PJA2: variants seen among roughly 807,000 people sequenced by gnomAD.
PJA2 encodes E3 ubiquitin-protein ligase Praja-2.
Under a neutral mutation model 69.3 loss-of-function variants are expected in PJA2, and 25 were observed. The observed-to-expected ratio is 0.36, with a 90% CI of 0.26 to 0.50. The LOEUF (loss-of-function observed/expected upper bound fraction) is 0.50, where lower values mean the gene tolerates loss of function less well. Ranked by LOEUF, PJA2 falls within the 20% of genes least tolerant of loss-of-function variation. The pLI, the probability that PJA2 is intolerant of heterozygous loss-of-function variation, is 0.96. For missense variants in PJA2, 809 were observed against 830.2 expected (o/e 0.97, Z 0.31); for synonymous variants, 308 against 277.8 (o/e 1.11, Z -1.08).
At chr5:109,389,478 T>C (rs145499243) in intron 1 of PJA2, among the ~76,000 whole-genome samples, 356 of 152,200 alleles carry the variant, frequency 2.3e-3, no homozygotes, top group African/African-American at 8.1e-3. Context: ...AGAGGATCTG[T>C]AGTGAAGTCT....
At chr5:109,362,137 T>A (rs749403271) in intron 6 of PJA2, among the ~76,000 whole-genome samples, 6 of 152,222 alleles carry the variant, frequency 3.9e-5, no homozygotes, top group Non-Finnish European at 8.8e-5. Context: ...AGATATCTTT[T>A]TTGCCCCAGA....
chr5:109,350,896 A>G lies in PJA2; in HGVS notation c.1764+5019T>C, dbSNP rs1020020755. ...AGATAATCAGTTTCAATAAGCTTTC[A>G]TAGGTAAAATCTTTCTTCGAACTGA... On this transcript the variant is annotated intron_variant, in intron 7 of 9. Transcript: ENST00000361189. Among the ~76,000 whole-genome samples the G allele has an allele frequency of 2.0e-5, 3 of 152,182 alleles. No individual in the cohort carries two copies. The South Asian group carries it at 6.2e-4, about 32-fold the overall frequency.
Position 109,356,092 on chromosome 5 carries a change from C to T in PJA2, c.1653-66G>A. On this transcript the variant is annotated intron_variant, in intron 6 of 9. Transcript: ENST00000361189. ...GATTTGGGAAATCTTATGCTGAGGA[C>T]ATAATTATATTAGCATACTGACAAG... is the stretch of plus-strand genomic sequence containing the variant. The T allele has an allele frequency of 3.9e-6, 4 of 1,035,246 alleles. No individual in the cohort carries two copies. The South Asian group carries it at 5.3e-5, about 14-fold the overall frequency. 64.1% of individuals were successfully genotyped at this position (1,035,246 alleles called of 1,614,324 possible).
chr5:109,361,116 A>C (rs1424568745), intron 6 of PJA2, among the ~76,000 whole-genome samples: 1 of 152,178 alleles, frequency 6.6e-6, no homozygotes, highest in Admixed American at 6.5e-5. Context: ...CAACAGAACG[A>C]GACTCCATCT....
At chr5:109,358,209 T>C (rs897125651) in intron 6 of PJA2, among the ~76,000 whole-genome samples, 3 of 152,236 alleles carry the variant, frequency 2.0e-5, no homozygotes, top group Non-Finnish European at 2.9e-5. Context: ...AAGGAACACC[T>C]GGCCCGCCCA....
At chr5:109,341,835 G>GC (rs1451256683) in intron 9 of PJA2, among the ~76,000 whole-genome samples, 10 of 107,708 alleles carry the variant, frequency 9.3e-5, no homozygotes, top group Non-Finnish European at 1.7e-4. Context: ...GGGGGGGTCA[G>GC]CCCCCCGCCT....
At chr5:109,394,318 G>A (rs975253158) in intron 1 of PJA2, among the ~76,000 whole-genome samples, 2 of 151,842 alleles carry the variant, frequency 1.3e-5, no homozygotes, top group Admixed American at 1.3e-4. Flanking sequence ...AAAGTGCTGG[G>A]ATTACAGGTG....
intron 4 of PJA2, among the ~76,000 whole-genome samples, chr5:109,369,867 T>C (rs1432300521): frequency 6.6e-6 from 1 of 151,990 alleles, no homozygotes; most frequent in Admixed American, 6.6e-5. Flanking sequence ...ACTCCATCTC[T>C]ACTAAAAATA....
Position 109,354,515 on chromosome 5 carries a change from G to T in PJA2, c.1764+1400C>A, listed in dbSNP as rs1373626933. ...CTATAATATCATAGATATCTATATC[G>T]ATATTAGATATCTATAATATCTATA... On this transcript the variant is annotated intron_variant, in intron 7 of 9. Coordinates refer to ENST00000361189, the MANE Select transcript of PJA2 (RefSeq NM_014819.5). Among the ~76,000 whole-genome samples, 32 of 23,064 alleles carry T rather than the reference G, an allele frequency of 1.4e-3. 12 individuals are homozygous for T. The highest frequency in any genetic ancestry group is 7.5e-3 in the African/African-American group (30 of 4,022). The allele number at this position is 23,064 out of a possible 152,430, so 15.1% of individuals were successfully genotyped here.
intron 6 of PJA2, among the ~76,000 whole-genome samples, chr5:109,361,565 CAGA>C: frequency 6.6e-6 from 1 of 152,204 alleles, no homozygotes; most frequent in South Asian, 2.1e-4. Context: ...ATAATGGAGA[CAGA>C]AGACTTCTGA....
chr5:109,369,103 AC>A (rs1185482345), intron 4 of PJA2, among the ~76,000 whole-genome samples: 1 of 152,034 alleles, frequency 6.6e-6, no homozygotes, highest in Non-Finnish European at 1.5e-5. Context: ...TTCCTGAGGC[AC>A]CCCCAAGAAG....
intron 7 of PJA2, 104 bp from the exon 8 acceptor site, chr5:109,344,923 TG>T (rs1561341097): frequency 1.4e-6 from 1 of 694,186 alleles, no homozygotes; most frequent in Non-Finnish European, 2.4e-6. Context: ...ATTCTCTTTT[TG>T]TTAGTTTCTT....
chr5:109,343,274 A>C (rs1175543020), intron 9 of PJA2, among the ~76,000 whole-genome samples: 1 of 45,450 alleles, frequency 2.2e-5, no homozygotes, highest in African/African-American at 1.5e-4. Flanking sequence ...AGGGCGGTGC[A>C]AAAAAAAAAA....
At chr5:109,353,182 A>T (rs1336671694) in intron 7 of PJA2, among the ~76,000 whole-genome samples, 1 of 56,798 alleles carries the variant, frequency 1.8e-5, no homozygotes, top group Admixed American at 1.7e-4. Context: ...ATATCTATAG[A>T]TATCTATATA....
At chr5:109,353,498 TA>T (rs1762316061) in intron 7 of PJA2, among the ~76,000 whole-genome samples, 1 of 90,166 alleles carries the variant, frequency 1.1e-5, no homozygotes, top group African/African-American at 3.0e-5. Context: ...TAGATATCTA[TA>T]ATATCTATAG....
chr5:109,351,232 TATTA>T (rs1365722110), intron 7 of PJA2, among the ~76,000 whole-genome samples: 3 of 152,126 alleles, frequency 2.0e-5, no homozygotes, highest in Admixed American at 6.6e-5. Flanking sequence ...CTTCCATTCC[TATTA>T]ATTTATTTAG....
At chr5:109,354,082 A>G (rs1276766559) in intron 7 of PJA2, among the ~76,000 whole-genome samples, 1 of 124,432 alleles carries the variant, frequency 8.0e-6, no homozygotes, top group South Asian at 2.8e-4. Context: ...TCTATAGATT[A>G]GATATCTATA....
Position 109,378,433 on chromosome 5 carries a change from C to T in PJA2, c.1054G>A (p.Val352Ile), listed in dbSNP as rs1746950782. The T allele has an allele frequency of 1.9e-6, 3 of 1,614,028 alleles. No individual in the cohort carries two copies. The highest frequency in any genetic ancestry group is 1.6e-4 in the Middle Eastern group (1 of 6,084). ...AGGTCATCTGAGCCACTTTCCTCAACTTCCAAAGCCTCTCTCCATCTTTGA... is the reference window on the plus strand; with the variant it reads ...AGGTCATCTGAGCCACTTTCCTCAATTTCCAAAGCCTCTCTCCATCTTTGA... Reference protein sequence around the residue: ...SVQRWREALEVEESGSDDLLI... With the variant: ...SVQRWREALEIEESGSDDLLI... The change falls in exon 4 of 10, where the codon GTT becomes ATT. Residue 352 changes from valine to isoleucine, a missense_variant. Around this residue, in one of 4 missense-constraint regions of PJA2, gnomAD observed 700 missense variants for 639.5 expected, o/e 1.09. Transcript: ENST00000361189.
intron 5 of PJA2, among the ~76,000 whole-genome samples, chr5:109,367,980 G>A (rs1762613513): frequency 6.6e-6 from 1 of 152,166 alleles, no homozygotes. Flanking sequence ...CTTTTATACT[G>A]CAACAGTAGA....
Sources: allele counts gnomAD v4.1 joint callset (sites outside exome capture counted in the v4.1 genomes callset), GRCh38; gene constraint gnomAD v4.1.1; regional missense constraint gnomAD v4.1.1; transcripts MANE v1.5; gene names NCBI Gene and HGNC (gene_info 2026-07-23, HGNC 2026-07-21).